The following COL11A1 variants were observed in gnomAD, a reference collection of about 807,000 sequenced individuals.
COL11A1 encodes the protein collagen alpha-1(XI) chain.
COL11A1 carries 74 observed loss-of-function variants against 265.2 expected under a neutral mutation model. The ratio of observed to expected loss-of-function variants is 0.28; its 90% CI spans 0.23 to 0.34. The LOEUF is 0.34. Among genes scored for constraint, COL11A1 ranks in the 10% least tolerant of loss-of-function variants. The probability of loss-of-function intolerance (pLI) is 1.00; values close to 1 mark genes in which losing one functional copy is unlikely to be tolerated. For synonymous variants in COL11A1, 816 were observed against 727.6 expected, an observed-to-expected ratio of 1.12 and a Z score of -1.96; for missense variants, 2,165 against 2,263.6, an observed-to-expected ratio of 0.96 and a Z score of 0.88.
rs763456639 is a variant in COL11A1 at position 103,025,830 on chromosome 1, T to G, written c.898-217A>C. ...CCCCTAGTTTGGCTTTTGCTGATGCTTGATAACTTTTCTTCTTCTTGGATG... is the reference window on the plus strand; with the variant it reads ...CCCCTAGTTTGGCTTTTGCTGATGCGTGATAACTTTTCTTCTTCTTGGATG... On this transcript the variant is annotated intron_variant, in intron 6 of 66. Coordinates refer to ENST00000370096, the MANE Select transcript of COL11A1 (RefSeq NM_001854.4). 1.8e-5 allele frequency: 29 copies of G among 1,613,480 alleles called. No individual in the cohort carries two copies. Among genetic ancestry groups the G allele is most frequent in the Non-Finnish European group, 2.5e-5 (29 of 1,179,990 alleles).
intron 17 of COL11A1, 87 bp downstream of exon 17, chr1:103,005,981 C>T (rs1665570888): frequency 6.2e-7 from 1 of 1,611,348 alleles, no homozygotes; most frequent in Non-Finnish European, 8.5e-7. Flanking sequence ...AATATTCTCT[C>T]AGATTCAGAA....
At chr1:103,016,664 A>T (rs1314595806) in intron 11 of COL11A1, among the ~76,000 whole-genome samples, 2 of 151,952 alleles carry the variant, frequency 1.3e-5, no homozygotes, top group African/African-American at 4.8e-5. Flanking sequence ...TTCAAATGTG[A>T]ATTTCTCATA....
chr1:102,924,102 T>TCACAGCTA lies in COL11A1; in HGVS notation c.3601-721_3601-714dup, dbSNP rs546166721. On this transcript the variant is annotated intron_variant, in intron 46 of 66. Coordinates refer to ENST00000370096, the MANE Select transcript of COL11A1 (RefSeq NM_001854.4). ...CGGGCGTGGTGGCAGGCGACTGTAG[T>TCACAGCTA]CACAGCTACTCGGGAGGCTGAGGCA... is the stretch of plus-strand genomic sequence containing the variant. Among the ~76,000 whole-genome samples, 112 of 150,336 alleles carry TCACAGCTA rather than the reference T, an allele frequency of 7.4e-4. 1 individual carries two copies. The highest frequency in any genetic ancestry group is 2.6e-3 in the African/African-American group (108 of 40,982).
intron 50 of COL11A1, among the ~76,000 whole-genome samples, 198 bp downstream of exon 50, chr1:102,915,433 T>G (rs574979553): frequency 6.6e-6 from 1 of 152,336 alleles, no homozygotes; most frequent in East Asian, 1.9e-4. Context: ...ATGATATTTT[T>G]TCAATTTGTT....
intron 4 of COL11A1, among the ~76,000 whole-genome samples, chr1:103,051,582 C>T (rs1303486405): frequency 6.6e-6 from 1 of 152,180 alleles, no homozygotes; most frequent in African/African-American, 2.4e-5. Flanking sequence ...CTTGCTTCGG[C>T]TTATGCATGG....
intron 4 of COL11A1, among the ~76,000 whole-genome samples, chr1:103,053,869 C>T (rs1206938852): frequency 6.6e-6 from 1 of 152,182 alleles, no homozygotes; most frequent in Admixed American, 6.5e-5. Flanking sequence ...CATGTAAATA[C>T]ATTTGACTAT....
At chr1:102,963,197 A>G (rs1431263548) in intron 38 of COL11A1, among the ~76,000 whole-genome samples, 1 of 152,166 alleles carries the variant, frequency 6.6e-6, no homozygotes, top group African/African-American at 2.4e-5. Flanking sequence ...AAATAAACTT[A>G]GGGCCATGAG....
intron 49 of COL11A1, among the ~76,000 whole-genome samples, chr1:102,916,920 A>T (rs1426655794): frequency 6.6e-6 from 1 of 151,950 alleles, no homozygotes; most frequent in Non-Finnish European, 1.5e-5. Context: ...GCTGATATTC[A>T]TATCTTAAAA....
intron 1 of COL11A1, among the ~76,000 whole-genome samples, chr1:103,089,944 C>T (rs940525207): frequency 2.0e-5 from 3 of 151,804 alleles, no homozygotes; most frequent in South Asian, 2.1e-4. Flanking sequence ...GCCAACATGG[C>T]GAAACCCTGT....
At chr1:103,020,963 A>G (rs1222905170) in intron 9 of COL11A1, among the ~76,000 whole-genome samples, 4 of 143,128 alleles carry the variant, frequency 2.8e-5, no homozygotes. Context: ...GCCCTCAGAA[A>G]TAACGCTGCA....
chr1:102,964,205 TTTA>T (rs1661185890), intron 38 of COL11A1, among the ~76,000 whole-genome samples: 1 of 152,212 alleles, frequency 6.6e-6, no homozygotes, highest in African/African-American at 2.4e-5. Context: ...TTCCATGATG[TTTA>T]TATTTTAGTT....
chr1:103,086,556 C>A (rs1189560835), intron 1 of COL11A1, among the ~76,000 whole-genome samples: 7 of 151,966 alleles, frequency 4.6e-5, no homozygotes, highest in Admixed American at 6.6e-5. Context: ...AGCTGGGACT[C>A]CAGGCGCCCG....
At chr1:103,080,989 A>C (rs1407695890) in intron 2 of COL11A1, among the ~76,000 whole-genome samples, 1 of 151,796 alleles carries the variant, frequency 6.6e-6, no homozygotes, top group Non-Finnish European at 1.5e-5. Flanking sequence ...GAATCAACCC[A>C]CCATCTCCTA....
At chr1:102,963,833 G>A (rs1335896028) in intron 38 of COL11A1, among the ~76,000 whole-genome samples, 1 of 151,892 alleles carries the variant, frequency 6.6e-6, no homozygotes, top group African/African-American at 2.4e-5. Context: ...AAGGAATACA[G>A]AATTAACCAT....
chr1:102,964,960 C>A (rs1298767681), intron 38 of COL11A1, among the ~76,000 whole-genome samples: 3 of 152,100 alleles, frequency 2.0e-5, no homozygotes, highest in Non-Finnish European at 4.4e-5. Context: ...AAATACTTGT[C>A]TTTTCCACTA....
At chr1:102,913,166 A>C (rs1654893704) in intron 53 of COL11A1, among the ~76,000 whole-genome samples, 1 of 152,138 alleles carries the variant, frequency 6.6e-6, no homozygotes. Flanking sequence ...CTTTCTCCCT[A>C]AATAACTAAA....
At chr1:102,969,505 C>G (rs1204053545) in intron 37 of COL11A1, among the ~76,000 whole-genome samples, 1 of 152,130 alleles carries the variant, frequency 6.6e-6, no homozygotes, top group Non-Finnish European at 1.5e-5. Flanking sequence ...GAATGACAAT[C>G]CACTGGGATA....
At chr1:102,959,328 T>C (rs1660663048) in intron 41 of COL11A1, among the ~76,000 whole-genome samples, 1 of 152,212 alleles carries the variant, frequency 6.6e-6, no homozygotes, top group Non-Finnish European at 1.5e-5. Flanking sequence ...CAAATGTTAG[T>C]CCATCTCCCA....
chr1:102,928,278 G>A (rs1051274489), intron 46 of COL11A1, among the ~76,000 whole-genome samples: 1 of 149,626 alleles, frequency 6.7e-6, no homozygotes, highest in Non-Finnish European at 1.5e-5. Flanking sequence ...AGTCCCCAGA[G>A]TGTGATATTC....
Sources: allele counts gnomAD v4.1 joint callset (sites outside exome capture counted in the v4.1 genomes callset), GRCh38; gene constraint gnomAD v4.1.1; transcripts MANE v1.5; gene names NCBI Gene and HGNC (gene_info 2026-07-23, HGNC 2026-07-21).